KSR2: variants seen among roughly 807,000 people sequenced by gnomAD.
KSR2 encodes kinase suppressor of ras 2.
In KSR2, 25 loss-of-function variants were observed where a neutral mutation model predicts 107.8. The observed-to-expected ratio is 0.23, with a 90% CI of 0.17 to 0.32. KSR2 has a LOEUF of 0.32. KSR2 is among the 10% of genes least tolerant of loss of function. The pLI is 1.00. For synonymous variants in KSR2, 480 were observed against 507.0 expected, an observed-to-expected ratio of 0.95 and a Z score of 0.71; for missense variants, 887 against 1,268.9, an observed-to-expected ratio of 0.70 and a Z score of 4.57.
At chr12:117,621,191 G>A (rs1407211660) in intron 5 of KSR2, among the ~76,000 whole-genome samples, 1 of 152,114 alleles carries the variant, frequency 6.6e-6, no homozygotes, top group Non-Finnish European at 1.5e-5. Context: ...TTTTTCCTGT[G>A]CTTTCACATG....
At chr12:117,480,028 A>ATGTGTGTGTGTGTGTGTG (rs55877244) in intron 16 of KSR2, among the ~76,000 whole-genome samples, 2 of 148,536 alleles carry the variant, frequency 1.3e-5, no homozygotes, top group African/African-American at 5.0e-5. Flanking sequence ...ACACATGTGT[A>ATGTGTGTGTGTGTGTGTG]TGTGTGTGTG....
At chr12:117,914,344 G>T (rs1282408986) in intron 1 of KSR2, among the ~76,000 whole-genome samples, 1 of 150,858 alleles carries the variant, frequency 6.6e-6, no homozygotes, top group Non-Finnish European at 1.5e-5. Context: ...CACGAGAATC[G>T]CTCGAACCCA....
chr12:117,793,072 GCACA>G (rs1890325787), intron 3 of KSR2, among the ~76,000 whole-genome samples: 1 of 136,832 alleles, frequency 7.3e-6, no homozygotes, highest in African/African-American at 2.9e-5. Context: ...ACACCAACAG[GCACA>G]CACTCTCACA....
At chr12:117,609,929 T>C (rs1360215815) in intron 5 of KSR2, among the ~76,000 whole-genome samples, 3 of 152,064 alleles carry the variant, frequency 2.0e-5, no homozygotes, top group Non-Finnish European at 4.4e-5. Context: ...AAACCTACAA[T>C]ATCTACTACC....
At chr12:117,730,395 A>G (rs1887614222) in intron 4 of KSR2, among the ~76,000 whole-genome samples, 2 of 149,544 alleles carry the variant, frequency 1.3e-5, no homozygotes, top group South Asian at 4.2e-4. Context: ...TCCTGTCTCT[A>G]TTATTATTAT....
chr12:117,901,998 C>G (rs917950226), intron 1 of KSR2, among the ~76,000 whole-genome samples: 3 of 152,162 alleles, frequency 2.0e-5, no homozygotes, highest in Non-Finnish European at 2.9e-5. Flanking sequence ...CTAGGAGAAA[C>G]TGTCAAAACT....
At chr12:117,894,784 G>A (rs1219581525) in intron 1 of KSR2, among the ~76,000 whole-genome samples, 2 of 144,818 alleles carry the variant, frequency 1.4e-5, no homozygotes, top group African/African-American at 5.1e-5. Flanking sequence ...TGAAGACCAT[G>A]CCTGCTTCCC....
chr12:117,633,342 C>A (rs1268772986), intron 5 of KSR2, among the ~76,000 whole-genome samples: 1 of 152,220 alleles, frequency 6.6e-6, no homozygotes, highest in Non-Finnish European at 1.5e-5. Flanking sequence ...CATGTCTCAG[C>A]TTGAATGTCT....
chr12:117,818,870 A>G lies in KSR2; in HGVS notation c.472+36558T>C, dbSNP rs571750243. On this transcript the variant is annotated intron_variant, in intron 3 of 19. Coordinates refer to ENST00000339824, the MANE Select transcript of KSR2 (RefSeq NM_173598.6). ...TGGAGACGTGGCCAAAGCAACTCAT[A>G]ATGTTTAGACCAGGGAAGAGAAAAT... Among the ~76,000 whole-genome samples, 4 of 152,260 alleles carry G rather than the reference A, an allele frequency of 2.6e-5. No individual in the cohort carries two copies. In the South Asian group the frequency reaches 8.3e-4, roughly 32 times the overall value.
At chr12:117,785,117 G>A (rs932175675) in intron 3 of KSR2, among the ~76,000 whole-genome samples, 4 of 152,104 alleles carry the variant, frequency 2.6e-5, no homozygotes, top group Admixed American at 1.3e-4. Flanking sequence ...ATTTTCAAAC[G>A]CAAAAGCAAT....
chr12:117,934,742 T>G (rs1260526828), intron 1 of KSR2, among the ~76,000 whole-genome samples: 1 of 152,234 alleles, frequency 6.6e-6, no homozygotes, highest in African/African-American at 2.4e-5. Flanking sequence ...TCCTGTTCAC[T>G]CTAAGTTCTA....
Position 117,531,721 on chromosome 12 carries a change from G to C in KSR2, c.1688-14C>G. 1 of 1,596,900 alleles carries C rather than the reference G, an allele frequency of 6.3e-7. No homozygotes were observed. Among genetic ancestry groups the C allele is most frequent in the Non-Finnish European group, 8.5e-7 (1 of 1,173,096 alleles). On this transcript the variant is annotated splice_polypyrimidine_tract_variant and intron_variant, in intron 10 of 19. Coordinates refer to ENST00000339824, the MANE Select transcript of KSR2 (RefSeq NM_173598.6). The stretch of plus-strand genomic sequence containing the variant: ...AGTAGTGGGATGCTTGCAAAAGAAA[G>C]AAAACATCAAAGTGAGTGTCCCCAG...
intron 9 of KSR2, among the ~76,000 whole-genome samples, chr12:117,540,515 G>T (rs1391256455): frequency 1.3e-5 from 2 of 152,186 alleles, no homozygotes; most frequent in African/African-American, 4.8e-5. Context: ...TTAAAATAAG[G>T]GTCTTTGCAG....
chr12:117,470,238 T>A (rs1292187638), intron 18 of KSR2, among the ~76,000 whole-genome samples: 1 of 147,354 alleles, frequency 6.8e-6, no homozygotes, highest in Non-Finnish European at 1.5e-5. Flanking sequence ...CCGGCATGTA[T>A]CTACACATCT....
At chr12:117,573,794 G>T (rs1164579975) in intron 7 of KSR2, among the ~76,000 whole-genome samples, 1 of 152,062 alleles carries the variant, frequency 6.6e-6, no homozygotes, top group Admixed American at 6.6e-5. Flanking sequence ...CACCCAAAGT[G>T]CTGGGATTAC....
At chr12:117,554,416 T>G (rs766007687) in intron 9 of KSR2, among the ~76,000 whole-genome samples, 2 of 152,168 alleles carry the variant, frequency 1.3e-5, no homozygotes, top group African/African-American at 2.4e-5. Flanking sequence ...CTTGGAGGTC[T>G]GATCTGACAG....
chr12:117,760,734 G>T (rs553659832), intron 4 of KSR2, among the ~76,000 whole-genome samples: 34 of 152,334 alleles, frequency 2.2e-4, no homozygotes, highest in African/African-American at 7.9e-4. Context: ...GATCATGGGC[G>T]TGTTCCAATA....
Position 117,624,118 on chromosome 12 carries a change from G to T in KSR2, c.1172-41759C>A, listed in dbSNP as rs571381327. ...TTGTTTGAGCTCTTTGTAGATTCTG[G>T]ATATTAGCCCTTTGTCAGATGGGTA... is the stretch of plus-strand genomic sequence containing the variant. On this transcript the variant is annotated intron_variant, in intron 5 of 19. Coordinates refer to ENST00000339824, the MANE Select transcript of KSR2 (RefSeq NM_173598.6). Among the ~76,000 whole-genome samples, 168 of 152,220 alleles carry T rather than the reference G, an allele frequency of 1.1e-3. 1 individual carries two copies. The highest frequency in any genetic ancestry group is 3.9e-3 in the African/African-American group (161 of 41,544).
At chr12:117,794,768 A>G (rs568009026) in intron 3 of KSR2, among the ~76,000 whole-genome samples, 8 of 152,188 alleles carry the variant, frequency 5.3e-5, no homozygotes, top group African/African-American at 1.7e-4. Flanking sequence ...CCCAACGTGC[A>G]CACACACACA....
Sources: gnomAD v4.1 joint callset for allele counts (sites outside exome capture counted in the v4.1 genomes callset) on GRCh38, gnomAD v4.1.1 for gene constraint, MANE v1.5 for transcripts, NCBI Gene and HGNC (gene_info 2026-07-23, HGNC 2026-07-21) for gene names.